FUT9: variants seen among roughly 807,000 people sequenced by gnomAD.
FUT9 encodes the protein fucosyltransferase 9, also known as 4-galactosyl-N-acetylglucosaminide 3-alpha-L-fucosyltransferase 9.
FUT9 carries 15 observed loss-of-function variants against 29.7 expected under a neutral mutation model. The observed-to-expected ratio is 0.51, with a 90% CI of 0.34 to 0.78. The LOEUF is 0.78. Among genes scored for constraint, FUT9 ranks in the 30% least tolerant of loss-of-function variants. The pLI is 0.01. For synonymous variants in FUT9, 169 were observed against 153.7 expected, an observed-to-expected ratio of 1.10 and a Z score of -0.74; for missense variants, 319 against 425.4, an observed-to-expected ratio of 0.75 and a Z score of 2.20.
At chr6:96,100,467 G>A (rs1209458772) in intron 1 of FUT9, among the ~76,000 whole-genome samples, 4 of 152,160 alleles carry the variant, frequency 2.6e-5, no homozygotes, top group African/African-American at 7.2e-5. Flanking sequence ...AGGATTTAAA[G>A]ATGAAACTTT....
At chr6:96,151,384 A>G (rs1407990670) in intron 2 of FUT9, among the ~76,000 whole-genome samples, 1 of 152,220 alleles carries the variant, frequency 6.6e-6, no homozygotes, top group Non-Finnish European at 1.5e-5. Context: ...AAAATCTGTC[A>G]AAGAGAATGA....
At chr6:96,122,199 C>A (rs1244025081) in intron 2 of FUT9, among the ~76,000 whole-genome samples, 1 of 152,080 alleles carries the variant, frequency 6.6e-6, no homozygotes, top group Non-Finnish European at 1.5e-5. Flanking sequence ...TCAAAGCAAT[C>A]AGAGAAAAAG....
At chr6:96,181,355 T>C (rs1054477882) in intron 2 of FUT9, among the ~76,000 whole-genome samples, 45 of 152,128 alleles carry the variant, frequency 3.0e-4, no homozygotes, top group African/African-American at 2.2e-4. Flanking sequence ...TTGAGAATAA[T>C]AGAAGTCTAC....
chr6:96,069,679 T>A (rs1334837903), intron 1 of FUT9, among the ~76,000 whole-genome samples: 1 of 151,944 alleles, frequency 6.6e-6, no homozygotes, highest in Non-Finnish European at 1.5e-5. Flanking sequence ...TCGCCCAGGC[T>A]GGAGTGCAGT....
chr6:96,075,798 TGGGTCAATGAAAGA>T (rs1247099286), intron 1 of FUT9, among the ~76,000 whole-genome samples: 1 of 152,150 alleles, frequency 6.6e-6, no homozygotes, highest in East Asian at 1.9e-4. Flanking sequence ...GATTTGACAA[TGGGTCAATGAAAGA>T]GGCCTGTAGG....
rs1180827256 is a variant in FUT9 at position 96,201,126 on chromosome 6, C to A, written c.-8-2022C>A. ...TCCTAATTTATTGAATTGTTGATAT[C>A]ATAGGAAAACCATTTAGACCTAGTA... is the stretch of plus-strand genomic sequence containing the variant. On this transcript the variant is annotated intron_variant, in intron 2 of 2. Coordinates refer to ENST00000302103, the MANE Select transcript of FUT9 (RefSeq NM_006581.4). Among the ~76,000 whole-genome samples the A allele has an allele frequency of 4.6e-5, 7 of 151,832 alleles. 1 individual carries two copies. Among genetic ancestry groups the A allele is most frequent in the African/African-American group, 1.7e-4 (7 of 41,368 alleles).
intron 2 of FUT9, among the ~76,000 whole-genome samples, chr6:96,157,874 C>T (rs1391693290): frequency 6.6e-6 from 1 of 152,074 alleles, no homozygotes; most frequent in Non-Finnish European, 1.5e-5. Context: ...GAGACAGGCT[C>T]ATTTTTGCTT....
chr6:96,173,216 T>C (rs991343936), intron 2 of FUT9, among the ~76,000 whole-genome samples: 3 of 151,410 alleles, frequency 2.0e-5, no homozygotes, highest in Admixed American at 2.0e-4. Flanking sequence ...GCCTTAAGAA[T>C]GCCTGTGTCA....
intron 2 of FUT9, among the ~76,000 whole-genome samples, chr6:96,116,873 G>T (rs1771921202): frequency 6.6e-6 from 1 of 152,124 alleles, no homozygotes; most frequent in South Asian, 2.1e-4. Context: ...TGTCCGTGGT[G>T]CTGAAAAAAT....
intron 2 of FUT9, among the ~76,000 whole-genome samples, chr6:96,132,257 C>T (rs1772259936): frequency 6.6e-6 from 1 of 151,902 alleles, no homozygotes; most frequent in Non-Finnish European, 1.5e-5. Flanking sequence ...TTTATTAGTA[C>T]TCAACATCAT....
At chr6:96,099,597 C>T (rs1582228582) in intron 1 of FUT9, among the ~76,000 whole-genome samples, 1 of 152,172 alleles carries the variant, frequency 6.6e-6, no homozygotes, top group East Asian at 1.9e-4. Context: ...TCACAGTGTT[C>T]CTGAATATTT....
intron 1 of FUT9, among the ~76,000 whole-genome samples, chr6:96,031,388 A>C (rs1391956840): frequency 8.0e-6 from 1 of 125,720 alleles, no homozygotes; most frequent in Non-Finnish European, 1.6e-5. Flanking sequence ...GAGACAGATT[A>C]GTAGATAAAA....
chr6:96,071,715 C>G (rs1252772684), intron 1 of FUT9, among the ~76,000 whole-genome samples: 4 of 152,080 alleles, frequency 2.6e-5, no homozygotes, highest in Non-Finnish European at 5.9e-5. Flanking sequence ...CTCTTCTATC[C>G]CTAAACATCT....
At chr6:96,138,240 T>C (rs12214860) in intron 2 of FUT9, among the ~76,000 whole-genome samples, 26,464 of 152,194 alleles carry the variant, frequency 0.17, 2,690 homozygotes, top group East Asian at 0.31. Flanking sequence ...AATGACTTTG[T>C]AAACAAAGAA....
intron 1 of FUT9, among the ~76,000 whole-genome samples, chr6:96,109,390 C>T (rs1771754588): frequency 6.6e-6 from 1 of 152,086 alleles, no homozygotes; most frequent in African/African-American, 2.4e-5. Flanking sequence ...CAACTGAAAA[C>T]AATTATATAA....
chr6:96,085,370 C>T (rs1042875076), intron 1 of FUT9, among the ~76,000 whole-genome samples: 18 of 152,308 alleles, frequency 1.2e-4, no homozygotes, highest in Admixed American at 6.5e-4. Flanking sequence ...CTTCTAACTG[C>T]GTCCTTGCAT....
At chr6:96,134,227 A>G (rs1772304438) in intron 2 of FUT9, among the ~76,000 whole-genome samples, 1 of 151,892 alleles carries the variant, frequency 6.6e-6, no homozygotes, top group Non-Finnish European at 1.5e-5. Context: ...TATATGTTTC[A>G]AATGCATTTG....
At chr6:96,107,434 TA>T (rs1446177991) in intron 1 of FUT9, among the ~76,000 whole-genome samples, 1 of 152,162 alleles carries the variant, frequency 6.6e-6, no homozygotes, top group Non-Finnish European at 1.5e-5. Context: ...AATCTTTGAA[TA>T]AAATAGATGC....
intron 2 of FUT9, among the ~76,000 whole-genome samples, chr6:96,141,980 T>C (rs79263076): frequency 0.013 from 1,908 of 152,326 alleles, 44 homozygotes; most frequent in African/African-American, 0.043. Flanking sequence ...GATTACTTAG[T>C]CCAAACACAC....
Sources: allele counts gnomAD v4.1 joint callset (sites outside exome capture counted in the v4.1 genomes callset), GRCh38; gene constraint gnomAD v4.1.1; transcripts MANE v1.5; gene names NCBI Gene and HGNC (gene_info 2026-07-23, HGNC 2026-07-21).